Variants in FTCDNL1 observed in about 807,000 individuals in gnomAD.
The protein encoded by FTCDNL1 is formiminotransferase N-terminal subdomain-containing protein.
A neutral mutation model predicts 5.9 loss-of-function variants in FTCDNL1; 11 were observed. The ratio of observed to expected loss-of-function variants is 1.87; its 90% CI spans 1.18 to 3.10. FTCDNL1 has a LOEUF of 3.10. FTCDNL1 is among the 30% of genes most tolerant of loss of function. FTCDNL1 has a pLI of 0.00. For synonymous variants in FTCDNL1, 58 were observed against 24.8 expected, an observed-to-expected ratio of 2.34 and a Z score of -3.99; for missense variants, 115 against 65.5, an observed-to-expected ratio of 1.76 and a Z score of -2.61.
intron 3 of FTCDNL1, among the ~76,000 whole-genome samples, chr2:199,801,301 G>C (rs1346775913): frequency 6.6e-6 from 1 of 152,092 alleles, no homozygotes; most frequent in South Asian, 2.1e-4. Context: ...AAAATGTCCA[G>C]AGCCACTCCC....
the FTCDNL1 span, among the ~76,000 whole-genome samples, chr2:199,714,404 T>C: frequency 1.3e-5 from 2 of 152,106 alleles, no homozygotes; most frequent in Non-Finnish European, 2.9e-5. Context: ...GAATAAAATA[T>C]TAAAGATACA....
chr2:199,706,022 A>T, the FTCDNL1 span, among the ~76,000 whole-genome samples: 1 of 152,310 alleles, frequency 6.6e-6, no homozygotes, highest in South Asian at 2.1e-4. Context: ...ATTCACAGTT[A>T]TAACAGGGGA....
chr2:199,847,790 T>G (rs2076769643), intron 2 of FTCDNL1, among the ~76,000 whole-genome samples: 1 of 152,196 alleles, frequency 6.6e-6, no homozygotes. Context: ...GTACTGTTTC[T>G]GACAATGAAG....
intron 3 of FTCDNL1, among the ~76,000 whole-genome samples, chr2:199,789,680 G>A (rs1383432614): frequency 6.6e-6 from 1 of 151,820 alleles, no homozygotes; most frequent in African/African-American, 2.4e-5. Context: ...TCTTTTCATT[G>A]GTAACATGAA....
At chr2:199,782,067 G>A (rs534500980) in intron 3 of FTCDNL1, among the ~76,000 whole-genome samples, 2 of 152,314 alleles carry the variant, frequency 1.3e-5, no homozygotes, top group South Asian at 4.1e-4. Context: ...ACAGGCATGA[G>A]CCACTGCGCC....
the FTCDNL1 span, among the ~76,000 whole-genome samples, chr2:199,723,503 T>C: frequency 6.6e-6 from 1 of 152,172 alleles, no homozygotes; most frequent in African/African-American, 2.4e-5. Context: ...CCATTCAGTA[T>C]GATATTGGCT....
At chr2:199,822,429 A>G (rs1701754701) in intron 3 of FTCDNL1, among the ~76,000 whole-genome samples, 1 of 152,082 alleles carries the variant, frequency 6.6e-6, no homozygotes, top group Non-Finnish European at 1.5e-5. Context: ...CTTTTTTGCT[A>G]AAAAATGCTA....
chr2:199,785,247 TCC>T (rs1699574760), intron 3 of FTCDNL1, among the ~76,000 whole-genome samples: 1 of 84,302 alleles, frequency 1.2e-5, no homozygotes, highest in Non-Finnish European at 2.4e-5. Flanking sequence ...TCTTCCAAAT[TCC>T]TTTTTTTTTT....
chr2:199,772,591 C>A (rs563666516), intron 3 of FTCDNL1, among the ~76,000 whole-genome samples: 40 of 152,306 alleles, frequency 2.6e-4, no homozygotes, highest in African/African-American at 8.9e-4. Context: ...CTCCCACCCT[C>A]TGAAGCACGT....
the FTCDNL1 span, among the ~76,000 whole-genome samples, chr2:199,726,868 G>A: frequency 3.9e-5 from 6 of 152,186 alleles, no homozygotes; most frequent in African/African-American, 1.4e-4. Flanking sequence ...TCTATTGGGA[G>A]GTCTCACCCA....
the FTCDNL1 span, among the ~76,000 whole-genome samples, chr2:199,716,823 A>T: frequency 7.6e-4 from 115 of 152,314 alleles, 1 homozygote; most frequent in Non-Finnish European, 1.2e-4. Context: ...TTCCTGGATA[A>T]ATGTAAGTGT....
chr2:199,790,976 C>T (rs973842105), intron 3 of FTCDNL1, among the ~76,000 whole-genome samples: 3 of 152,112 alleles, frequency 2.0e-5, no homozygotes, highest in African/African-American at 4.8e-5. Context: ...AAAAACACCA[C>T]TGGCAAGTGT....
chr2:199,751,813 T>G, the FTCDNL1 span, among the ~76,000 whole-genome samples: 1 of 152,076 alleles, frequency 6.6e-6, no homozygotes, highest in African/African-American at 2.4e-5. Flanking sequence ...ATTATGTAAA[T>G]TATAAATGTC....
chr2:199,760,764 TCTGCC>T, exon 4 of FTCDNL1: 1 of 702,360 alleles, frequency 1.4e-6, no homozygotes, highest in South Asian at 1.5e-5. Flanking sequence ...TGTGGATTGC[TCTGCC>T]CTCCTCTGGT....
chr2:199,698,351 G>A, the FTCDNL1 span, among the ~76,000 whole-genome samples: 1 of 152,034 alleles, frequency 6.6e-6, no homozygotes, highest in Non-Finnish European at 1.5e-5. Flanking sequence ...AGCTGCACAT[G>A]GCACATACTC....
At chr2:199,731,192 G>A in the FTCDNL1 span, among the ~76,000 whole-genome samples, 8 of 152,096 alleles carry the variant, frequency 5.3e-5, no homozygotes, top group East Asian at 1.9e-4. Flanking sequence ...AGGGCCTGTC[G>A]AGGGGTTGGG....
chr2:199,733,092 C>G, the FTCDNL1 span, among the ~76,000 whole-genome samples: 1 of 152,070 alleles, frequency 6.6e-6, no homozygotes, highest in Non-Finnish European at 1.5e-5. Context: ...CAGAACATAT[C>G]CCCCAAAGAG....
the FTCDNL1 span, among the ~76,000 whole-genome samples, chr2:199,707,091 G>A: frequency 6.6e-6 from 1 of 152,176 alleles, no homozygotes; most frequent in Admixed American, 6.5e-5. Flanking sequence ...ATATATCCCA[G>A]ATGATAATGG....
At chr2:199,841,249 C>T (rs1035899790) in intron 3 of FTCDNL1, among the ~76,000 whole-genome samples, 2 of 151,810 alleles carry the variant, frequency 1.3e-5, no homozygotes, top group Non-Finnish European at 2.9e-5. Context: ...CAGCCAGATG[C>T]AGTGGCTCAC....
Sources: gnomAD v4.1 joint callset for allele counts (sites outside exome capture counted in the v4.1 genomes callset) on GRCh38, gnomAD v4.1.1 for gene constraint, MANE v1.5 for transcripts, NCBI Gene and HGNC (gene_info 2026-07-23, HGNC 2026-07-21) for gene names.